Variants in ESR1 observed in about 807,000 individuals in gnomAD.
ESR1 encodes estrogen receptor 1.
In ESR1, 12 loss-of-function variants were observed where a neutral mutation model predicts 52.7. That is an observed-to-expected ratio of 0.23 (90% CI 0.15 to 0.37). The LOEUF (loss-of-function observed/expected upper bound fraction) is 0.37, where lower values mean the gene tolerates loss of function less well. Among genes scored for constraint, ESR1 ranks in the 10% least tolerant of loss-of-function variants. The pLI, the probability that ESR1 is intolerant of heterozygous loss-of-function variation, is 1.00. For missense variants in ESR1, 584 were observed against 779.7 expected, an observed-to-expected ratio of 0.75 and a Z score of 2.99; for synonymous variants, 305 against 316.8, an observed-to-expected ratio of 0.96 and a Z score of 0.39.
upstream of ESR1, among the ~76,000 whole-genome samples, chr6:151,690,038 GT>G (rs1414480768): frequency 6.6e-6 from 1 of 152,106 alleles, no homozygotes; most frequent in Non-Finnish European, 1.5e-5. Context: ...ACCTCTGCAG[GT>G]TACCGAAGTC....
At chr6:151,709,474 A>G (rs577477569) in intron 2 of ESR1, among the ~76,000 whole-genome samples, 9 of 152,186 alleles carry the variant, frequency 5.9e-5, no homozygotes, top group Non-Finnish European at 1.2e-4. Context: ...GACATACTGA[A>G]TACATTCGCT....
chr6:151,876,978 C>A lies in ESR1; in HGVS notation c.644-3677C>A, dbSNP rs553608565. 1.7e-3 allele frequency among the ~76,000 whole-genome samples: 252 copies of A among 150,214 alleles called. 1 individual carries two copies. Among genetic ancestry groups the A allele is most frequent in the African/African-American group, 5.8e-3 (236 of 40,644 alleles). On this transcript the variant is annotated intron_variant, in intron 2 of 7. Transcript: ENST00000206249. Reference sequence around the variant, plus strand: ...CTGTCTTTTCAGTTAAAAAAAAACACACACACACACACTGCTATGTTTCAC... The same window carrying A: ...CTGTCTTTTCAGTTAAAAAAAAACAAACACACACACACTGCTATGTTTCAC...
At position 151,682,651 on chromosome 6, in the gene ESR1, G is replaced by A. The variant is rs550770509; in HGVS notation, n.74-19224G>A. Reference sequence around the variant, plus strand: ...TGTGAAAAATATCAGAATAGTATACGTGGAAGAGTTATTAGACATTCCATT... The same window carrying A: ...TGTGAAAAATATCAGAATAGTATACATGGAAGAGTTATTAGACATTCCATT... On this transcript the variant is annotated intron_variant and non_coding_transcript_variant, in intron 1 of 2. Transcript: ENST00000473497. 9.3e-4 allele frequency among the ~76,000 whole-genome samples: 141 copies of A among 152,330 alleles called. 1 individual carries two copies. The highest frequency in any genetic ancestry group is 3.0e-3 in the African/African-American group (124 of 41,578).
upstream of ESR1, among the ~76,000 whole-genome samples, chr6:151,802,737 C>T (rs1777386704): frequency 6.6e-6 from 1 of 152,120 alleles, no homozygotes; most frequent in Non-Finnish European, 1.5e-5. Flanking sequence ...GCCTATAATC[C>T]CAGCACTTTG....
chr6:151,999,273 T>G (rs2041758930), intron 4 of ESR1, among the ~76,000 whole-genome samples: 2 of 152,288 alleles, frequency 1.3e-5, no homozygotes, highest in South Asian at 4.1e-4. Flanking sequence ...TTAATCTATT[T>G]TAAGGCTTGC....
chr6:151,664,718 T>C (rs1777760642), intron 1 of ESR1, among the ~76,000 whole-genome samples: 1 of 152,238 alleles, frequency 6.6e-6, no homozygotes, highest in African/African-American at 2.4e-5. Flanking sequence ...CCCTATTCCA[T>C]GAGTAAAGTT....
chr6:152,124,694 G>GA (rs11305825), intron 6 of ESR1, among the ~76,000 whole-genome samples: 3 of 151,780 alleles, frequency 2.0e-5, no homozygotes, highest in Non-Finnish European at 4.4e-5. Context: ...TAAGCTGAGG[G>GA]AAAAAAAAAG....
At chr6:152,104,213 G>A (rs1292732796), downstream of ESR1, among the ~76,000 whole-genome samples, 1 of 151,884 alleles carries the variant, frequency 6.6e-6, no homozygotes, top group African/African-American at 2.4e-5. Flanking sequence ...ATGGGTTGAG[G>A]GTCTTCTCAT....
chr6:152,018,711 G>A (rs933751937), intron 5 of ESR1, among the ~76,000 whole-genome samples: 15 of 152,166 alleles, frequency 9.9e-5, no homozygotes, highest in African/African-American at 3.1e-4. Flanking sequence ...TTCCACCATC[G>A]CTTTCCAGGA....
At chr6:151,718,700 T>C (rs1339827394) in intron 2 of ESR1, among the ~76,000 whole-genome samples, 1 of 152,232 alleles carries the variant, frequency 6.6e-6, no homozygotes, top group East Asian at 1.9e-4. Flanking sequence ...GCAGTTTTAT[T>C]AGGCCTTAAA....
chr6:151,771,750 G>A (rs1785537239), intron 2 of ESR1, among the ~76,000 whole-genome samples: 1 of 151,996 alleles, frequency 6.6e-6, no homozygotes, highest in African/African-American at 2.4e-5. Flanking sequence ...AAAGTAAAGT[G>A]AGATTTTCAC....
intron 2 of ESR1, among the ~76,000 whole-genome samples, chr6:151,782,873 A>C (rs1051639363): frequency 1.1e-4 from 17 of 152,158 alleles, no homozygotes; most frequent in Non-Finnish European, 1.5e-4. Flanking sequence ...CCCATACTCC[A>C]CATCTGCTCA....
At chr6:151,831,785 C>T (rs920220167) in intron 1 of ESR1, among the ~76,000 whole-genome samples, 6 of 152,182 alleles carry the variant, frequency 3.9e-5, no homozygotes, top group Admixed American at 3.9e-4. Flanking sequence ...TAAAATAGTG[C>T]CTGCCACAAC....
rs114763208 is a variant in ESR1 at position 152,055,029 on chromosome 6, G to T, written c.1236-5962G>T. Reference sequence around the variant, plus strand: ...CGACAGGATTTCCTTCTTGTTAAAGGGTGAGTAGCATTCCATTGTACATAT... The same window carrying T: ...CGACAGGATTTCCTTCTTGTTAAAGTGTGAGTAGCATTCCATTGTACATAT... On this transcript the variant is annotated intron_variant, in intron 5 of 7. Coordinates refer to ENST00000206249, the MANE Select transcript of ESR1 (RefSeq NM_000125.4). Among the ~76,000 whole-genome samples the T allele has an allele frequency of 2.6e-3, 390 of 152,170 alleles. 1 individual carries two copies. The highest frequency in any genetic ancestry group is 8.8e-3 in the African/African-American group (364 of 41,528).
intron 5 of ESR1, among the ~76,000 whole-genome samples, chr6:152,039,475 T>C (rs1389792104): frequency 6.6e-6 from 1 of 152,170 alleles, no homozygotes; most frequent in Non-Finnish European, 1.5e-5. Flanking sequence ...GATTGCAATC[T>C]TAATTTCCAG....
chr6:151,902,170 A>G (rs1265040497), intron 3 of ESR1, among the ~76,000 whole-genome samples: 1 of 152,152 alleles, frequency 6.6e-6, no homozygotes, highest in African/African-American at 2.4e-5. Context: ...CATCCAGGCA[A>G]CCTAAAAGTG....
intron 6 of ESR1, among the ~76,000 whole-genome samples, chr6:152,083,776 C>G (rs969668952): frequency 1.3e-5 from 2 of 151,872 alleles, no homozygotes; most frequent in African/African-American, 4.8e-5. Flanking sequence ...AAAAACAAAC[C>G]CATCAAAAAA....
At chr6:151,677,215 A>T (rs1033402413) in intron 1 of ESR1, among the ~76,000 whole-genome samples, 1 of 152,152 alleles carries the variant, frequency 6.6e-6, no homozygotes, top group Non-Finnish European at 1.5e-5. Flanking sequence ...GTGGATAGAA[A>T]ATTTGTGGTT....
chr6:152,059,124 T>C (rs2047342114), intron 5 of ESR1, among the ~76,000 whole-genome samples: 1 of 152,164 alleles, frequency 6.6e-6, no homozygotes, highest in South Asian at 2.1e-4. Context: ...ACATTGTGAA[T>C]ATACTGAAAT....
Sources: allele counts gnomAD v4.1 joint callset (sites outside exome capture counted in the v4.1 genomes callset), GRCh38; gene constraint gnomAD v4.1.1; transcripts MANE v1.5; gene names NCBI Gene and HGNC (gene_info 2026-07-23, HGNC 2026-07-21).